MAPK9: variants seen among roughly 807,000 people sequenced by gnomAD.
The protein encoded by MAPK9 is mitogen-activated protein kinase 9, also known as Jun kinase.
A neutral mutation model predicts 57.1 loss-of-function variants in MAPK9; 30 were observed. The observed-to-expected ratio is 0.53, with a 90% CI of 0.39 to 0.71. MAPK9 has a LOEUF of 0.71. Ranked by LOEUF, MAPK9 falls within the 30% of genes least tolerant of loss-of-function variation. The pLI is 0.00. For synonymous variants in MAPK9, 155 were observed against 177.0 expected (o/e 0.88, Z 0.99); for missense variants, 362 against 521.0 (o/e 0.69, Z 2.97).
intron 1 of MAPK9, among the ~76,000 whole-genome samples, chr5:180,288,951 T>A (rs1387049402): frequency 6.6e-6 from 1 of 152,374 alleles, no homozygotes; most frequent in Non-Finnish European, 1.5e-5. Flanking sequence ...ATAAAAAGAA[T>A]GATGTTGAAA....
At chr5:180,267,824 CA>C (rs563086645) in intron 3 of MAPK9, among the ~76,000 whole-genome samples, 2,772 of 151,438 alleles carry the variant, frequency 0.018, 74 homozygotes, top group African/African-American at 0.057. Context: ...AAAAACAAAA[CA>C]AAAAAAACCA....
chr5:180,243,020 A>G (rs1388644235), intron 7 of MAPK9: 1 of 339,394 alleles, frequency 2.9e-6, no homozygotes, highest in Non-Finnish European at 5.3e-6. Flanking sequence ...TCTAGTTCAA[A>G]ATAAAGTTTA....
At chr5:180,263,927 G>A (rs754002439) in intron 4 of MAPK9, among the ~76,000 whole-genome samples, 6 of 151,864 alleles carry the variant, frequency 4.0e-5, no homozygotes, top group Non-Finnish European at 7.4e-5. Context: ...GGATGGTCTC[G>A]ATCTCCTGAC....
At chr5:180,255,718 G>A (rs1027069233) in intron 5 of MAPK9, among the ~76,000 whole-genome samples, 38 of 152,294 alleles carry the variant, frequency 2.5e-4, no homozygotes, top group African/African-American at 7.2e-4. Context: ...GGAGGAGGGC[G>A]AGGAAGGCCG....
intron 6 of MAPK9, among the ~76,000 whole-genome samples, chr5:180,248,441 T>A (rs1758337994): frequency 1.3e-5 from 2 of 152,252 alleles, no homozygotes; most frequent in Non-Finnish European, 2.9e-5. Context: ...TTCAACAAAT[T>A]TGCTAAAAGC....
In MAPK9 at chr5:180,291,975, CGCCG is replaced by C; in HGVS notation, c.-179_-176del. ...CCCGCCCCGCTCCGCTCCGCCCCGC[CGCCG>C]CCGCCGCCGCCGCCGCCGCAGTGGG... On this transcript the variant is annotated 5_prime_UTR_variant, in exon 1 of 12. Coordinates refer to ENST00000452135, the MANE Select transcript of MAPK9 (RefSeq NM_002752.5). 1 of 99,876 alleles carries C rather than the reference CGCCG, an allele frequency of 1.0e-5. No individual in the cohort carries two copies. The highest frequency in any genetic ancestry group is 2.4e-5 in the Non-Finnish European group (1 of 40,992). The allele number at this position is 99,876 out of a possible 1,614,324, so 6.2% of individuals were successfully genotyped here. A position where few individuals can be genotyped will look rare whatever the true frequency, so the allele number is the denominator to read the frequency against.
At chr5:180,270,863 A>G (rs1402297772) in intron 2 of MAPK9, among the ~76,000 whole-genome samples, 5 of 143,064 alleles carry the variant, frequency 3.5e-5, no homozygotes, top group Admixed American at 6.8e-5. Context: ...GGTCTCAAAA[A>G]AAAAAAAAAA....
Position 180,291,929 on chromosome 5 carries a change from C to A in MAPK9, c.-129G>T, listed in dbSNP as rs1763298880. 1 of 148,412 alleles carries A rather than the reference C, an allele frequency of 6.7e-6. No individual in the cohort carries two copies. The highest frequency in any genetic ancestry group is 1.5e-5 in the Non-Finnish European group (1 of 67,158). 9.2% of individuals were successfully genotyped at this position (148,412 alleles called of 1,614,324 possible). A position where few individuals can be genotyped will look rare whatever the true frequency, so the allele number is the denominator to read the frequency against. On this transcript the variant is annotated 5_prime_UTR_variant, in exon 1 of 12. Transcript: ENST00000452135. Reference sequence around the variant, plus strand: ...TGCGTGCTAGTCACTCCTGGCTCCGCGGCCCCGGCTCCGCCGCCGGCCCGC... The same window carrying A: ...TGCGTGCTAGTCACTCCTGGCTCCGAGGCCCCGGCTCCGCCGCCGGCCCGC...
At chr5:180,248,014 A>G (rs1365082333) in intron 6 of MAPK9, 1 of 1,283,880 alleles carries the variant, frequency 7.8e-7, no homozygotes, top group South Asian at 1.4e-5. Context: ...GGTACACGTC[A>G]CTAGCTTGCC....
At chr5:180,279,101 G>A (rs1331621699) in intron 2 of MAPK9, among the ~76,000 whole-genome samples, 2 of 152,020 alleles carry the variant, frequency 1.3e-5, no homozygotes, top group African/African-American at 4.8e-5. Flanking sequence ...GGGACTACGG[G>A]TGTGTGCCAC....
intron 1 of MAPK9, among the ~76,000 whole-genome samples, 166 bp downstream of exon 1, chr5:180,291,682 G>C (rs1581349426): frequency 6.6e-6 from 1 of 151,472 alleles, no homozygotes; most frequent in East Asian, 2.0e-4. Flanking sequence ...GGGCGGAAGG[G>C]GGCGCCTGCG....
chr5:180,266,435 C>T (rs1760557642), intron 3 of MAPK9, among the ~76,000 whole-genome samples: 1 of 151,934 alleles, frequency 6.6e-6, no homozygotes, highest in African/African-American at 2.4e-5. Context: ...CTGCCTCAGC[C>T]TCCCAATGAG....
intron 2 of MAPK9, among the ~76,000 whole-genome samples, chr5:180,274,245 T>C (rs1364978262): frequency 2.6e-5 from 4 of 152,246 alleles, no homozygotes; most frequent in African/African-American, 4.8e-5. Flanking sequence ...TATATGCTGC[T>C]AGTATATAAA....
chr5:180,286,079 CA>C (rs56658635), intron 1 of MAPK9, among the ~76,000 whole-genome samples: 66,364 of 117,444 alleles, frequency 0.57, 17,776 homozygotes, highest in Non-Finnish European at 0.61. Context: ...GACTCCGTCT[CA>C]AAAAAAAAAA....
At chr5:180,282,772 G>A (rs989192181) in intron 1 of MAPK9, among the ~76,000 whole-genome samples, 29 of 152,310 alleles carry the variant, frequency 1.9e-4, no homozygotes, top group African/African-American at 6.0e-4. Context: ...AGCATGTACT[G>A]AGCACCCGCT....
intron 1 of MAPK9, among the ~76,000 whole-genome samples, chr5:180,284,339 C>T (rs1405164586): frequency 6.6e-6 from 1 of 152,234 alleles, no homozygotes; most frequent in African/African-American, 2.4e-5. Flanking sequence ...GGGCTCCCTC[C>T]TTGCCACTTG....
At chr5:180,240,924 A>C in intron 9 of MAPK9, 107 bp downstream of exon 9, 9 of 1,324,640 alleles carry the variant, frequency 6.8e-6, no homozygotes, top group South Asian at 2.0e-5. Context: ...GGAGCCCCCA[A>C]ATGGAGAACT....
Position 180,264,851 on chromosome 5 carries a change from AAATT to A in MAPK9, c.253-16_253-13del, listed in dbSNP as rs1760361244. The A allele has an allele frequency of 6.6e-7, 1 of 1,520,430 alleles. No homozygotes were observed. Among genetic ancestry groups the A allele is most frequent in the Middle Eastern group, 1.8e-4 (1 of 5,562 alleles). 94.2% of individuals were successfully genotyped at this position (1,520,430 alleles called of 1,614,324 possible). A position where few individuals can be genotyped will look rare whatever the true frequency, so the allele number is the denominator to read the frequency against. ...AACAAACTAATTATCTGAAAAGAGA[AAATT>A]AATTATACTTCAATATGTCAGATTA... On this transcript the variant is annotated splice_polypyrimidine_tract_variant and intron_variant, in intron 3 of 11. Coordinates refer to ENST00000452135, the MANE Select transcript of MAPK9 (RefSeq NM_002752.5).
intron 2 of MAPK9, among the ~76,000 whole-genome samples, chr5:180,275,944 G>A (rs1761773249): frequency 6.6e-6 from 1 of 152,054 alleles, no homozygotes; most frequent in Non-Finnish European, 1.5e-5. Context: ...ACTTATTACT[G>A]CCCTCTTATC....
Sources: allele counts gnomAD v4.1 joint callset (sites outside exome capture counted in the v4.1 genomes callset), GRCh38; gene constraint gnomAD v4.1.1; transcripts MANE v1.5; gene names NCBI Gene and HGNC (gene_info 2026-07-23, HGNC 2026-07-21).